The following NEK10 variants were observed in gnomAD, a reference collection of about 807,000 sequenced individuals.
The protein encoded by NEK10 is NIMA related kinase 10.
Under a neutral mutation model 159.8 loss-of-function variants are expected in NEK10, and 122 were observed. The ratio of observed to expected loss-of-function variants is 0.76; its 90% CI spans 0.66 to 0.89. The LOEUF (loss-of-function observed/expected upper bound fraction) is 0.89. Among genes scored for constraint, NEK10 ranks in the 40% least tolerant of loss-of-function variants. NEK10 has a pLI of 0.00. For missense variants in NEK10, 1,342 were observed against 1,323.1 expected (o/e 1.01, Z -0.22); for synonymous variants, 466 against 457.1 (o/e 1.02, Z -0.25).
chr3:27,137,219 G>A (rs1407150458), intron 31 of NEK10, among the ~76,000 whole-genome samples: 1 of 152,104 alleles, frequency 6.6e-6, no homozygotes, highest in Non-Finnish European at 1.5e-5. Context: ...ATTTGAACTT[G>A]TAGCAAGGAA....
At chr3:27,267,166 T>G (rs185462408) in intron 22 of NEK10, among the ~76,000 whole-genome samples, 185 of 152,278 alleles carry the variant, frequency 1.2e-3, no homozygotes, top group African/African-American at 4.2e-3. Flanking sequence ...AGGGGCAGCT[T>G]TCTGTTTGAC....
intron 23 of NEK10, chr3:27,255,353 T>C: frequency 2.5e-6 from 1 of 402,156 alleles, no homozygotes; most frequent in Non-Finnish European, 5.0e-6. Flanking sequence ...AAATGAAAAG[T>C]CACCCTCTTA....
intron 23 of NEK10, among the ~76,000 whole-genome samples, chr3:27,213,416 A>G (rs182646736): frequency 6.6e-6 from 1 of 152,336 alleles, no homozygotes; most frequent in East Asian, 1.9e-4. Context: ...CTTTGTTGAC[A>G]TTCTGGTTTG....
intron 23 of NEK10, among the ~76,000 whole-genome samples, chr3:27,216,730 C>A (rs935602975): frequency 3.3e-5 from 5 of 152,204 alleles, no homozygotes; most frequent in African/African-American, 7.2e-5. Context: ...AAAAGAGATT[C>A]CTCCCATTCC....
At chr3:27,184,685 G>T (rs1374531762) in intron 26 of NEK10, among the ~76,000 whole-genome samples, 1 of 152,120 alleles carries the variant, frequency 6.6e-6, no homozygotes, top group Non-Finnish European at 1.5e-5. Flanking sequence ...AACAAGTCAT[G>T]GTTTTTCCTG....
intron 31 of NEK10, among the ~76,000 whole-genome samples, chr3:27,135,903 T>C (rs542868996): frequency 1.1e-4 from 17 of 152,186 alleles, no homozygotes; most frequent in Non-Finnish European, 1.8e-4. Flanking sequence ...CAGGTATGGA[T>C]GGTTCTAGTC....
At chr3:27,167,007 T>A (rs140689536) in intron 29 of NEK10, among the ~76,000 whole-genome samples, 1 of 152,174 alleles carries the variant, frequency 6.6e-6, no homozygotes, top group East Asian at 1.9e-4. Flanking sequence ...AATACAATTA[T>A]GCATACACTG....
At chr3:27,119,007 A>C (rs1940902801) in intron 33 of NEK10, among the ~76,000 whole-genome samples, 1 of 152,194 alleles carries the variant, frequency 6.6e-6, no homozygotes, top group African/African-American at 2.4e-5. Context: ...GCTACCGTTT[A>C]TAAAGATTCA....
intron 5 of NEK10, among the ~76,000 whole-genome samples, chr3:27,329,535 C>T (rs1575771633): frequency 6.6e-6 from 1 of 152,218 alleles, no homozygotes; most frequent in African/African-American, 2.4e-5. Flanking sequence ...ATTGATTTGG[C>T]CAGGTTTAAA....
At position 27,169,475 on chromosome 3, in the gene NEK10, A is replaced by G. The variant is rs552929246; in HGVS notation, c.2831+2344T>C. Among the ~76,000 whole-genome samples, 91 of 152,268 alleles carry G rather than the reference A, an allele frequency of 6.0e-4. 1 individual carries two copies. The highest frequency in any genetic ancestry group is 2.2e-3 in the African/African-American group (90 of 41,554). ...CAGGGTTTTATCGAATATCTTTCTG[A>G]TAGATCATACACCCTGTTGATAAGT... On this transcript the variant is annotated intron_variant, in intron 29 of 35. Transcript: ENST00000691995.
At position 27,346,151 on chromosome 3, in the gene NEK10, C is replaced by T. The variant is rs143419754; in HGVS notation, c.198G>A (p.Ala66=). The change falls in exon 4 of 36, where the codon GCG becomes GCA. Residue 66 remains alanine (A), a synonymous_variant. Transcript: ENST00000691995. Reference sequence around the variant, plus strand: ...ACTGACCCCGAGCTCTGTGTCCACCCGCCCTGATGGCGGGCTCAGACTTCG... The same window carrying T: ...ACTGACCCCGAGCTCTGTGTCCACCTGCCCTGATGGCGGGCTCAGACTTCG... ...SMTKSEPAIR[A]GGHRARGQWH... The T allele has an allele frequency of 1.5e-5, 24 of 1,613,586 alleles. No homozygotes were observed. The highest frequency in any genetic ancestry group is 3.3e-5 in the Admixed American group (2 of 59,972).
At chr3:27,358,867 AT>A (rs1194391870) in intron 1 of NEK10, among the ~76,000 whole-genome samples, 1 of 152,168 alleles carries the variant, frequency 6.6e-6, no homozygotes, top group Non-Finnish European at 1.5e-5. Context: ...TAAATACTCC[AT>A]TTTATTTACT....
intron 22 of NEK10, among the ~76,000 whole-genome samples, chr3:27,281,223 C>A (rs1225383478): frequency 4.0e-5 from 6 of 151,774 alleles, no homozygotes; most frequent in Admixed American, 2.0e-4. Context: ...CATATGGTAT[C>A]TAAGACTAAA....
chr3:27,162,349 G>C, intron 30 of NEK10: 1 of 1,481,552 alleles, frequency 6.7e-7, no homozygotes, highest in South Asian at 1.4e-5. Flanking sequence ...AGAATTCTCC[G>C]CTCTTTGTAT....
intron 13 of NEK10, among the ~76,000 whole-genome samples, chr3:27,299,333 T>C (rs1177476910): frequency 6.6e-6 from 1 of 152,154 alleles, no homozygotes; most frequent in African/African-American, 2.4e-5. Flanking sequence ...TTCCATGTGG[T>C]GTTGAGTCTG....
chr3:27,267,715 C>T (rs759782657), intron 22 of NEK10, among the ~76,000 whole-genome samples: 1 of 152,116 alleles, frequency 6.6e-6, no homozygotes, highest in Non-Finnish European at 1.5e-5. Context: ...CTCCTTATCC[C>T]CCTAGACACA....
intron 6 of NEK10, among the ~76,000 whole-genome samples, chr3:27,318,958 G>A (rs1256896947): frequency 2.0e-5 from 3 of 152,248 alleles, no homozygotes; most frequent in African/African-American, 7.2e-5. Flanking sequence ...GGAAGACAAG[G>A]TTAAGAATAG....
chr3:27,184,598 T>C (rs1040786267), intron 26 of NEK10, among the ~76,000 whole-genome samples: 5 of 152,160 alleles, frequency 3.3e-5, no homozygotes, highest in African/African-American at 1.2e-4. Context: ...ATGTGAGAAT[T>C]GTGTCTGTAT....
rs1193969720 is a variant in NEK10 at position 27,115,970 on chromosome 3, T to C, written c.3269A>G (p.Glu1090Gly). 1 of 1,613,092 alleles carries C rather than the reference T, an allele frequency of 6.2e-7. No homozygotes were observed. Among genetic ancestry groups the C allele is most frequent in the Admixed American group, 1.7e-5 (1 of 59,976 alleles). Residue 1090 changes from glutamate (E) to glycine (G), a missense_variant, in exon 35 of 36, where the codon GAA becomes GGA. Coordinates refer to ENST00000691995, the MANE Select transcript of NEK10 (RefSeq NM_001394966.1). ...AGATGTAAAATTGTAATAGCCACTT[T>C]CCTCAAGGACTTCTTCAATCACAGT... Reference protein sequence around the residue: ...MQTVIEEVLEESGYYNFTSNR... With the variant: ...MQTVIEEVLEGSGYYNFTSNR...
Sources: allele counts gnomAD v4.1 joint callset (sites outside exome capture counted in the v4.1 genomes callset), GRCh38; gene constraint gnomAD v4.1.1; transcripts MANE v1.5; gene names NCBI Gene and HGNC (gene_info 2026-07-23, HGNC 2026-07-21).